STK10: variants seen among roughly 807,000 people sequenced by gnomAD.
The protein encoded by STK10 is serine/threonine kinase 10.
A neutral mutation model predicts 113.8 loss-of-function variants in STK10; 78 were observed. That is an observed-to-expected ratio of 0.69 (90% CI 0.57 to 0.83). STK10 has a LOEUF of 0.83. Ranked by LOEUF, STK10 falls within the 40% of genes least tolerant of loss-of-function variation. The pLI, the probability that STK10 is intolerant of heterozygous loss-of-function variation, is 0.00. For synonymous variants in STK10, 465 were observed against 494.7 expected (o/e 0.94, Z 0.80); for missense variants, 1,109 against 1,280.1 (o/e 0.87, Z 2.04).
intron 18 of STK10, among the ~76,000 whole-genome samples, chr5:172,048,985 G>A (rs1767566516): frequency 6.6e-6 from 1 of 152,082 alleles, no homozygotes; most frequent in Non-Finnish European, 1.5e-5. Flanking sequence ...CCCCACGGCT[G>A]CACGCCTCCC....
At chr5:172,092,820 GGTTTAGA>G (rs1768748988) in intron 9 of STK10, 1 of 152,384 alleles carries the variant, frequency 6.6e-6, no homozygotes, top group African/African-American at 2.4e-5. Flanking sequence ...CCACTGGGAA[GGTTTAGA>G]GTTTGGAGCC....
chr5:172,175,499 A>C (rs1770742270), intron 1 of STK10, among the ~76,000 whole-genome samples: 1 of 152,010 alleles, frequency 6.6e-6, no homozygotes, highest in Non-Finnish European at 1.5e-5. Flanking sequence ...AGCCCCACCC[A>C]CCAGGGTGCC....
At chr5:172,102,530 T>C (rs531606516) in intron 7 of STK10, among the ~76,000 whole-genome samples, 1 of 152,076 alleles carries the variant, frequency 6.6e-6, no homozygotes, top group African/African-American at 2.4e-5. Context: ...CTGTGCACTC[T>C]CACACTAATG....
intron 3 of STK10, among the ~76,000 whole-genome samples, chr5:172,118,878 CAAAA>C (rs3028101): frequency 2.0e-4 from 14 of 71,304 alleles, no homozygotes; most frequent in African/African-American, 7.0e-4. Flanking sequence ...GACTCAGTCT[CAAAA>C]AAAAAAAAAA....
At chr5:172,116,521 A>C (rs1769387450) in intron 4 of STK10, among the ~76,000 whole-genome samples, 1 of 152,198 alleles carries the variant, frequency 6.6e-6, no homozygotes, top group South Asian at 2.1e-4. Flanking sequence ...TGTATGTGTT[A>C]TTTTGGTTAA....
At chr5:172,053,662 G>C (rs546327861) in intron 17 of STK10, among the ~76,000 whole-genome samples, 1 of 152,348 alleles carries the variant, frequency 6.6e-6, no homozygotes, top group African/African-American at 2.4e-5. Flanking sequence ...TTGTCATGAG[G>C]AGCTTATAAA....
chr5:172,083,510 T>C (rs1768479922), intron 10 of STK10, among the ~76,000 whole-genome samples: 1 of 152,226 alleles, frequency 6.6e-6, no homozygotes, highest in Non-Finnish European at 1.5e-5. Flanking sequence ...ACTGGTACAT[T>C]TCTGGAGGAC....
chr5:172,078,947 C>CCACACACACACACACACA (rs57963957), intron 12 of STK10, among the ~76,000 whole-genome samples: 8 of 144,730 alleles, frequency 5.5e-5, no homozygotes, highest in African/African-American at 2.0e-4. Context: ...TCTTATAAGT[C>CCACACACACACACACACA]CACACACACA....
chr5:172,092,011 G>A (rs1207674986), intron 9 of STK10, among the ~76,000 whole-genome samples: 5 of 97,156 alleles, frequency 5.1e-5, no homozygotes, highest in African/African-American at 3.0e-4. Flanking sequence ...CTGGGCCCCT[G>A]TCTCCTGCCC....
intron 8 of STK10, among the ~76,000 whole-genome samples, chr5:172,095,009 G>A (rs1323082083): frequency 6.6e-6 from 1 of 152,166 alleles, no homozygotes; most frequent in Non-Finnish European, 1.5e-5. Context: ...AGGGGACATT[G>A]CTTTGCCCCA....
At chr5:172,070,750 G>A (rs1365354462) in intron 12 of STK10, among the ~76,000 whole-genome samples, 1 of 151,988 alleles carries the variant, frequency 6.6e-6, no homozygotes, top group East Asian at 1.9e-4. Flanking sequence ...GGAGGAGAAG[G>A]AGGATGAGAA....
chr5:172,152,888 C>CA (rs1770267106), intron 2 of STK10, among the ~76,000 whole-genome samples: 1 of 152,160 alleles, frequency 6.6e-6, no homozygotes, highest in South Asian at 2.1e-4. Context: ...GATCACATGT[C>CA]AAAATGATCA....
At chr5:172,098,043 C>G (rs1429091183) in intron 7 of STK10, among the ~76,000 whole-genome samples, 1 of 152,100 alleles carries the variant, frequency 6.6e-6, no homozygotes, top group Non-Finnish European at 1.5e-5. Context: ...AGAATTTGCT[C>G]ATTTACAATA....
chr5:172,172,851 G>A (rs1408638484), intron 1 of STK10, among the ~76,000 whole-genome samples: 1 of 152,056 alleles, frequency 6.6e-6, no homozygotes, highest in African/African-American at 2.4e-5. Context: ...GTGGTAGCAC[G>A]TGCCTGTAAT....
rs1440421507 is a variant in STK10 at position 172,162,078 on chromosome 5, C to T, written c.157-5290G>A. 2.0e-5 allele frequency among the ~76,000 whole-genome samples: 3 copies of T among 152,160 alleles called. No homozygotes were observed. The East Asian group carries it at 5.8e-4, about 29-fold the overall frequency. On this transcript the variant is annotated intron_variant, in intron 1 of 18. Transcript: ENST00000176763. The stretch of plus-strand genomic sequence containing the variant: ...TGTTTAGGCCGGGCGCAGTGGCTCA[C>T]GATTGTAATCCCAGCACTTTGGGAG...
chr5:172,068,864 G>A (rs957947684), intron 12 of STK10, among the ~76,000 whole-genome samples: 2 of 148,048 alleles, frequency 1.4e-5, no homozygotes, highest in African/African-American at 5.0e-5. Context: ...CAGCCTGGGC[G>A]ACAGAGCAAG....
chr5:172,118,202 C>T (rs1769431000), intron 3 of STK10, among the ~76,000 whole-genome samples: 1 of 152,124 alleles, frequency 6.6e-6, no homozygotes, highest in Admixed American at 6.6e-5. Context: ...CGCTCAAGGT[C>T]ATGCAGGTGG....
At chr5:172,135,689 T>C (rs944151196) in intron 2 of STK10, among the ~76,000 whole-genome samples, 2 of 152,118 alleles carry the variant, frequency 1.3e-5, no homozygotes, top group African/African-American at 4.8e-5. Context: ...CCCTCCTACA[T>C]ATAGATCCAA....
rs1475278877 is a variant in STK10, at chr5:172,150,781, G to A, written c.321+5843C>T. 2.6e-5 allele frequency among the ~76,000 whole-genome samples: 4 copies of A among 152,182 alleles called. No individual in the cohort carries two copies. The East Asian group carries it at 7.7e-4, about 29-fold the overall frequency. ...ATCCATGCCCTGCTCTTGATCCTGGGACCAGTACTTCCTCTTTACAGAATG... is the reference window on the plus strand; with the variant it reads ...ATCCATGCCCTGCTCTTGATCCTGGAACCAGTACTTCCTCTTTACAGAATG... On this transcript the variant is annotated intron_variant, in intron 2 of 18. Coordinates refer to ENST00000176763, the MANE Select transcript of STK10 (RefSeq NM_005990.4).
Sources: gnomAD v4.1 joint callset for allele counts (sites outside exome capture counted in the v4.1 genomes callset) on GRCh38, gnomAD v4.1.1 for gene constraint, MANE v1.5 for transcripts, NCBI Gene and HGNC (gene_info 2026-07-23, HGNC 2026-07-21) for gene names.